The following MYO18B variants were observed in gnomAD, a reference collection of about 807,000 sequenced individuals.
MYO18B encodes myosin XVIIIB.
A neutral mutation model predicts 273.0 loss-of-function variants in MYO18B; 204 were observed. That is an observed-to-expected ratio of 0.75 (90% CI 0.67 to 0.84). The LOEUF is 0.84. Ranked by LOEUF, MYO18B falls within the 40% of genes least tolerant of loss-of-function variation. The probability of loss-of-function intolerance (pLI) is 0.00; values close to 1 mark genes in which losing one functional copy is unlikely to be tolerated. For synonymous variants in MYO18B, 1,330 were observed against 1,305.7 expected (o/e 1.02, Z -0.40); for missense variants, 3,212 against 3,287.6 (o/e 0.98, Z 0.56).
At chr22:25,909,953 G>A (rs747097282) in intron 32 of MYO18B, among the ~76,000 whole-genome samples, 4 of 152,138 alleles carry the variant, frequency 2.6e-5, no homozygotes, top group Admixed American at 6.5e-5. Context: ...TTGCCCACCC[G>A]TGAAATAGGA....
intron 11 of MYO18B, among the ~76,000 whole-genome samples, chr22:25,789,411 G>A (rs1255371797): frequency 2.0e-5 from 3 of 151,930 alleles, no homozygotes; most frequent in African/African-American, 2.4e-5. Context: ...TGAGGCGGGC[G>A]GATCACCTGA....
At chr22:25,927,264 G>A (rs941968898) in intron 34 of MYO18B, among the ~76,000 whole-genome samples, 9 of 152,300 alleles carry the variant, frequency 5.9e-5, no homozygotes, top group South Asian at 4.1e-4. Flanking sequence ...TCTTTCAAAA[G>A]CAAATGGGAG....
downstream of MYO18B, among the ~76,000 whole-genome samples, chr22:26,033,615 A>G (rs751362541): frequency 5.9e-5 from 9 of 152,174 alleles, no homozygotes; most frequent in African/African-American, 9.7e-5. Flanking sequence ...AGTCAATTCA[A>G]CATGCTACAA....
At chr22:26,050,938 T>C in the MYO18B span, among the ~76,000 whole-genome samples, 1 of 152,176 alleles carries the variant, frequency 6.6e-6, no homozygotes, top group Non-Finnish European at 1.5e-5. Flanking sequence ...CAAGTGATGT[T>C]AAGAAGCAAG....
chr22:25,990,693 A>G (rs2093256800), intron 39 of MYO18B, among the ~76,000 whole-genome samples: 2 of 68,576 alleles, frequency 2.9e-5, no homozygotes, highest in African/African-American at 1.1e-4. Flanking sequence ...TCTCAAAAAA[A>G]AAAAAAAAAA....
rs763172211 is a variant in MYO18B, at chr22:25,832,905, G to C, written c.2980-12G>C. On this transcript the variant is annotated splice_polypyrimidine_tract_variant and intron_variant, in intron 15 of 43. Transcript: ENST00000335473. ...CTAAAAGTGCTAACTTTTAAATCCTGTTATTTTCCAGGAAGGTGTTCCTGT... is the reference window on the plus strand; with the variant it reads ...CTAAAAGTGCTAACTTTTAAATCCTCTTATTTTCCAGGAAGGTGTTCCTGT... 2 of 1,612,788 alleles carry C rather than the reference G, an allele frequency of 1.2e-6. No individual in the cohort carries two copies. Among genetic ancestry groups the C allele is most frequent in the East Asian group, 4.5e-5 (2 of 44,854 alleles).
At chr22:25,977,794 C>T (rs2093108038) in intron 39 of MYO18B, among the ~76,000 whole-genome samples, 2 of 152,320 alleles carry the variant, frequency 1.3e-5, no homozygotes, top group Admixed American at 6.5e-5. Context: ...ATGTGTCAAA[C>T]ACTTCCTCTC....
chr22:25,990,292 T>C (rs2146837329), intron 39 of MYO18B, among the ~76,000 whole-genome samples: 1 of 152,292 alleles, frequency 6.6e-6, no homozygotes, highest in South Asian at 2.1e-4. Context: ...AGCACTGGAC[T>C]GGGAGCCACC....
the MYO18B span, among the ~76,000 whole-genome samples, chr22:26,054,045 T>C: frequency 2.6e-5 from 4 of 152,056 alleles, no homozygotes; most frequent in Non-Finnish European, 4.4e-5. Context: ...GGAAGGGCTA[T>C]GAAAGGACCT....
At chr22:26,062,741 G>A in the MYO18B span, among the ~76,000 whole-genome samples, 1 of 152,148 alleles carries the variant, frequency 6.6e-6, no homozygotes, top group Admixed American at 6.6e-5. Context: ...ATGCCATGCT[G>A]CCTTGGGTCA....
intron 39 of MYO18B, among the ~76,000 whole-genome samples, chr22:25,986,258 A>G (rs1413127205): frequency 1.3e-5 from 2 of 152,244 alleles, no homozygotes; most frequent in East Asian, 1.9e-4. Context: ...ATTACCTCTC[A>G]GCATGGAGCA....
chr22:25,906,788 AGAGT>A (rs925151648), intron 31 of MYO18B, among the ~76,000 whole-genome samples: 13 of 152,256 alleles, frequency 8.5e-5, no homozygotes, highest in Admixed American at 8.5e-4. Context: ...CTGGCAAGAG[AGAGT>A]GTGTGAAGCA....
chr22:25,889,003 C>A (rs2091581032), intron 25 of MYO18B, among the ~76,000 whole-genome samples: 1 of 151,548 alleles, frequency 6.6e-6, no homozygotes, highest in South Asian at 2.1e-4. Context: ...TACAGAAATG[C>A]ATCACAAGAA....
chr22:26,007,844 G>C, intron 42 of MYO18B, among the ~76,000 whole-genome samples: 1 of 152,162 alleles, frequency 6.6e-6, no homozygotes, highest in Non-Finnish European at 1.5e-5. Context: ...TTCTCTCAAA[G>C]AACTTAAAAT....
chr22:25,755,458 G>A (rs573109488), intron 1 of MYO18B, among the ~76,000 whole-genome samples: 6 of 152,032 alleles, frequency 3.9e-5, no homozygotes, highest in Non-Finnish European at 8.8e-5. Context: ...CGCCTGCCTC[G>A]GCCTCCCAAA....
intron 6 of MYO18B, 89 bp from the exon 7 acceptor site, chr22:25,772,245 A>C: frequency 8.6e-7 from 1 of 1,157,084 alleles, no homozygotes; most frequent in Non-Finnish European, 1.2e-6. Flanking sequence ...AGGAGGGCTT[A>C]GTGTGTGTTT....
At chr22:25,928,567 T>C (rs2092454237) in intron 34 of MYO18B, among the ~76,000 whole-genome samples, 1 of 152,080 alleles carries the variant, frequency 6.6e-6, no homozygotes, top group Admixed American at 6.5e-5. Flanking sequence ...TCTAGAACCC[T>C]AAGATAATCA....
intron 34 of MYO18B, among the ~76,000 whole-genome samples, chr22:25,924,290 A>G (rs143993142): frequency 3.4e-4 from 52 of 152,328 alleles, no homozygotes; most frequent in African/African-American, 1.1e-3. Context: ...GGATGAAGGA[A>G]GAGGGAGCTA....
Position 26,030,865 on chromosome 22 carries a change from A to G in MYO18B, c.*435A>G. 1 of 398,574 alleles carries G rather than the reference A, an allele frequency of 2.5e-6. No homozygotes were observed. Among genetic ancestry groups the G allele is most frequent in the Non-Finnish European group, 4.4e-6 (1 of 226,068 alleles). 24.7% of individuals were successfully genotyped at this position (398,574 alleles called of 1,614,324 possible). On this transcript the variant is annotated 3_prime_UTR_variant, in exon 44 of 44. Coordinates refer to ENST00000335473, the MANE Select transcript of MYO18B (RefSeq NM_032608.7). ...CCAGGAAGTCTTTCCTGATATATCA[A>G]ACTGAAACAAATGCTCCTCCTCCAT... is the stretch of plus-strand genomic sequence containing the variant.
Sources: gnomAD v4.1 joint callset for allele counts (sites outside exome capture counted in the v4.1 genomes callset) on GRCh38, gnomAD v4.1.1 for gene constraint, MANE v1.5 for transcripts, NCBI Gene and HGNC (gene_info 2026-07-23, HGNC 2026-07-21) for gene names.